The following RTN4IP1 variants were observed in gnomAD, a reference collection of about 807,000 sequenced individuals.
RTN4IP1 encodes the protein reticulon 4 interacting protein 1, also known as NAD(P)H oxidoreductase RTN4IP1, mitochondrial.
In RTN4IP1, 32 loss-of-function variants were observed where a neutral mutation model predicts 46.6. The ratio of observed to expected loss-of-function variants is 0.69; its 90% CI spans 0.52 to 0.92. The LOEUF (loss-of-function observed/expected upper bound fraction) is 0.92. RTN4IP1 is among the 40% of genes least tolerant of loss of function. The pLI is 0.00. For synonymous variants in RTN4IP1, 167 were observed against 161.8 expected (o/e 1.03, Z -0.24); for missense variants, 424 against 485.8 (o/e 0.87, Z 1.20).
chr6:106,599,747 C>T (rs1470999012), intron 5 of RTN4IP1, among the ~76,000 whole-genome samples: 2 of 151,472 alleles, frequency 1.3e-5, no homozygotes, highest in Non-Finnish European at 2.9e-5. Context: ...AATAGCCCTG[C>T]TCTGAAATTC....
chr6:106,610,590 AG>A (rs1173683062), intron 4 of RTN4IP1, among the ~76,000 whole-genome samples: 1 of 152,186 alleles, frequency 6.6e-6, no homozygotes, highest in Non-Finnish European at 1.5e-5. Context: ...ATCTCACTGA[AG>A]TAGAAGCCTA....
At position 106,571,700 on chromosome 6, in the gene RTN4IP1, A is replaced by C; in HGVS notation, c.*296T>G. 1 of 302,224 alleles carries C rather than the reference A, an allele frequency of 3.3e-6. No individual in the cohort carries two copies. The highest frequency in any genetic ancestry group is 6.3e-6 in the Non-Finnish European group (1 of 159,322). 18.7% of individuals were successfully genotyped at this position (302,224 alleles called of 1,614,324 possible). ...AGCGAGACCCTGTCTCTAAAACAAA[A>C]AAGACAATAAAGTAGTTTAAGCTAG... On this transcript the variant is annotated 3_prime_UTR_variant, in exon 9 of 9. Coordinates refer to ENST00000369063, the MANE Select transcript of RTN4IP1 (RefSeq NM_032730.5).
At position 106,572,089 on chromosome 6, in the gene RTN4IP1, A is replaced by G. The variant is rs1295196286; in HGVS notation, c.1098T>C (p.Ile366=). 6.2e-7 allele frequency: 1 copy of G among 1,613,774 alleles called. No homozygotes were observed. The highest frequency in any genetic ancestry group is 2.2e-5 in the East Asian group (1 of 44,898). ...LVDAGKIRPV[I]EQTFPFSKVP... ...CTTTAGAAAAAGGAAAGGTTTGTTCAATAACTGGCCGGATCTGTAAAACAT... is the reference window on the plus strand; with the variant it reads ...CTTTAGAAAAAGGAAAGGTTTGTTCGATAACTGGCCGGATCTGTAAAACAT... Residue 366 remains isoleucine (I), a synonymous_variant, in exon 9 of 9, where the codon ATT becomes ATC. Coordinates refer to ENST00000369063, the MANE Select transcript of RTN4IP1 (RefSeq NM_032730.5).
At chr6:106,574,271 T>C (rs9486416) in intron 8 of RTN4IP1, among the ~76,000 whole-genome samples, 21,474 of 151,886 alleles carry the variant, frequency 0.14, 1,747 homozygotes, top group African/African-American at 0.21. Context: ...TGGTGAAACC[T>C]ATCTCCACTA....
intron 5 of RTN4IP1, among the ~76,000 whole-genome samples, chr6:106,600,144 TG>T (rs1165026209): frequency 6.6e-6 from 1 of 152,098 alleles, no homozygotes; most frequent in Non-Finnish European, 1.5e-5. Flanking sequence ...CAGCACCATC[TG>T]GGTTCTCAAA....
chr6:106,626,404 C>T (rs1013563240), intron 1 of RTN4IP1, among the ~76,000 whole-genome samples: 2 of 152,066 alleles, frequency 1.3e-5, no homozygotes, highest in South Asian at 2.1e-4. Flanking sequence ...CTTCACTTTT[C>T]CTGCCTTACA....
At chr6:106,585,970 C>A (rs2114631816) in intron 7 of RTN4IP1, among the ~76,000 whole-genome samples, 1 of 152,296 alleles carries the variant, frequency 6.6e-6, no homozygotes, top group South Asian at 2.1e-4. Context: ...AGCTAAGAGC[C>A]CTTTCTCCAC....
intron 5 of RTN4IP1, among the ~76,000 whole-genome samples, chr6:106,595,496 CTTTCT>C (rs373597223): frequency 0.025 from 2,788 of 109,988 alleles, 56 homozygotes; most frequent in African/African-American, 0.079. Flanking sequence ...GGAATACTTT[CTTTCT>C]TTTTTTTTTT....
chr6:106,607,780 C>A (rs1562147374), intron 4 of RTN4IP1: 1 of 151,412 alleles, frequency 6.6e-6, no homozygotes, highest in Non-Finnish European at 1.5e-5. Flanking sequence ...GGTCCCTGAG[C>A]AAGAATGACA....
intron 7 of RTN4IP1, among the ~76,000 whole-genome samples, chr6:106,586,374 T>C (rs59480706): frequency 0.033 from 5,024 of 151,936 alleles, 271 homozygotes; most frequent in East Asian, 0.2. Context: ...TTTAAAAAAA[T>C]AGAATTTGTT....
At chr6:106,625,660 TC>T (rs377024009) in intron 1 of RTN4IP1, among the ~76,000 whole-genome samples, 1 of 139,818 alleles carries the variant, frequency 7.2e-6, no homozygotes, top group Admixed American at 7.4e-5. Context: ...TTCTTTTTTT[TC>T]TTTTTTTTTT....
chr6:106,612,174 G>T (rs1389546473), intron 4 of RTN4IP1, among the ~76,000 whole-genome samples: 1 of 152,040 alleles, frequency 6.6e-6, no homozygotes, highest in African/African-American at 2.4e-5. Context: ...ATCACCTGAG[G>T]TCAGGTGTTC....
chr6:106,618,580 A>G (rs6900886), intron 4 of RTN4IP1, among the ~76,000 whole-genome samples: 11,364 of 152,242 alleles, frequency 0.075, 1,072 homozygotes, highest in African/African-American at 0.2. Flanking sequence ...GGGTCACCCA[A>G]CTGGAAAGCA....
In RTN4IP1 at chr6:106,588,528, G is replaced by A. The variant is rs1009070000; in HGVS notation, c.807-666C>T. ...TGTTCTAACATGCCAAAAAAATTCAGCCATAATGGAATCCACAGAAACTGA... is the reference window on the plus strand; with the variant it reads ...TGTTCTAACATGCCAAAAAAATTCAACCATAATGGAATCCACAGAAACTGA... On this transcript the variant is annotated intron_variant, in intron 6 of 8. Transcript: ENST00000369063. Among the ~76,000 whole-genome samples, 3 of 152,180 alleles carry A rather than the reference G, an allele frequency of 2.0e-5. No homozygotes were observed. In the South Asian group the frequency reaches 6.2e-4, roughly 31 times the overall value.
In RTN4IP1 at chr6:106,629,284, C is replaced by G; in HGVS notation, c.-263G>C. 1 of 546,888 alleles carries G rather than the reference C, an allele frequency of 1.8e-6. No individual in the cohort carries two copies. Among genetic ancestry groups the G allele is most frequent in the South Asian group, 2.5e-5 (1 of 39,662 alleles). The allele number at this position is 546,888 out of a possible 1,614,324, so 33.9% of individuals were successfully genotyped here. ...TCCATTCTCCTCCCTCACTTTCACC[C>G]CCTCCACTTTAAAAAAAAAAGGGGG... On this transcript the variant is annotated 5_prime_UTR_variant, in exon 1 of 9. Transcript: ENST00000369063.
intron 7 of RTN4IP1, among the ~76,000 whole-genome samples, chr6:106,586,491 C>T (rs1388098697): frequency 6.6e-6 from 1 of 152,020 alleles, no homozygotes; most frequent in African/African-American, 2.4e-5. Flanking sequence ...CTGGCCTCAG[C>T]CTCCTGAGCA....
chr6:106,629,779 G>T, upstream of RTN4IP1: 2 of 1,546,298 alleles, frequency 1.3e-6, no homozygotes, highest in Non-Finnish European at 1.8e-6. Context: ...AAGAGTCCCT[G>T]GGCCTTACCA....
chr6:106,618,960 T>C (rs1357972434), intron 4 of RTN4IP1, among the ~76,000 whole-genome samples: 1 of 152,196 alleles, frequency 6.6e-6, no homozygotes, highest in Non-Finnish European at 1.5e-5. Flanking sequence ...ACTCCTAAAG[T>C]CCATTCCATC....
intron 4 of RTN4IP1, among the ~76,000 whole-genome samples, chr6:106,611,047 A>C (rs1222525037): frequency 1.3e-5 from 2 of 148,736 alleles, no homozygotes; most frequent in East Asian, 4.2e-4. Context: ...TAGCTGCCTT[A>C]CAAAAAAAAA....
Sources: gnomAD v4.1 joint callset for allele counts (sites outside exome capture counted in the v4.1 genomes callset) on GRCh38, gnomAD v4.1.1 for gene constraint, MANE v1.5 for transcripts, NCBI Gene and HGNC (gene_info 2026-07-23, HGNC 2026-07-21) for gene names.